ARHGEF12: variants seen among roughly 807,000 people sequenced by gnomAD.
ARHGEF12 encodes the protein KMT2A/ARHGEF12 fusion protein.
Under a neutral mutation model 211.2 loss-of-function variants are expected in ARHGEF12, and 66 were observed. The observed-to-expected ratio is 0.31, with a 90% CI of 0.26 to 0.38. The LOEUF is 0.38. Among genes scored for constraint, ARHGEF12 ranks in the 10% least tolerant of loss-of-function variants. The pLI is 1.00. For missense variants in ARHGEF12, 1,429 were observed against 1,869.5 expected (o/e 0.76, Z 4.34); for synonymous variants, 592 against 638.4 (o/e 0.93, Z 1.09).
chr11:120,346,781 T>A lies in ARHGEF12; in HGVS notation c.32+9506T>A, dbSNP rs938445023. ...GAACCTCCCTTGTTCCCTTTATTAC[T>A]CCAGCAGTTAATGTACGGACAATCT... On this transcript the variant is annotated intron_variant, in intron 1 of 40. Coordinates refer to ENST00000397843, the MANE Select transcript of ARHGEF12 (RefSeq NM_015313.3). Among the ~76,000 whole-genome samples the A allele has an allele frequency of 4.6e-5, 7 of 152,336 alleles. No homozygotes were observed. In the South Asian group the frequency reaches 1.0e-3, roughly 23 times the overall value.
At chr11:120,422,964 C>T (rs916440542) in intron 6 of ARHGEF12, among the ~76,000 whole-genome samples, 7 of 152,032 alleles carry the variant, frequency 4.6e-5, no homozygotes, top group Non-Finnish European at 7.4e-5. Flanking sequence ...CAAATTATTA[C>T]ATAAGAAAAC....
chr11:120,474,683 A>G (rs1360648626), intron 32 of ARHGEF12, 48 bp downstream of exon 32: 3 of 1,473,158 alleles, frequency 2.0e-6, no homozygotes, highest in Non-Finnish European at 2.8e-6. Flanking sequence ...GCAAAAGGGA[A>G]GGAATAGGAA....
At chr11:120,391,544 CT>C (rs1384444570) in intron 1 of ARHGEF12, among the ~76,000 whole-genome samples, 1 of 152,186 alleles carries the variant, frequency 6.6e-6, no homozygotes, top group Non-Finnish European at 1.5e-5. Flanking sequence ...TGTTCTGTCT[CT>C]GTGAAAAGCC....
At chr11:120,419,991 C>T (rs978839364) in intron 4 of ARHGEF12, among the ~76,000 whole-genome samples, 3 of 152,202 alleles carry the variant, frequency 2.0e-5, no homozygotes, top group Non-Finnish European at 2.9e-5. Context: ...TTCTATTCCT[C>T]TGGCTGGGGC....
At chr11:120,360,856 T>G (rs954748001) in intron 1 of ARHGEF12, among the ~76,000 whole-genome samples, 3 of 152,194 alleles carry the variant, frequency 2.0e-5, no homozygotes, top group African/African-American at 7.2e-5. Flanking sequence ...AATGCATCCT[T>G]TGATATAGAA....
chr11:120,478,528 C>G (rs1947131034), intron 37 of ARHGEF12, 139 bp downstream of exon 37: 1 of 812,446 alleles, frequency 1.2e-6, no homozygotes, highest in East Asian at 2.7e-5. Context: ...TACAGTGGCC[C>G]ATGCCACAGG....
Position 120,428,068 on chromosome 11 carries a change from G to T in ARHGEF12, c.407-1G>T. ...CCCTTTTTCCGTCTCCCCACCCCAA[G>T]CTGGTTCCTATGTAGCTCTCACTGT... On this transcript the variant is annotated splice_acceptor_variant, in intron 7 of 40. Transcript: ENST00000397843. LOFTEE classifies it high-confidence loss of function. 6.4e-7 allele frequency: 1 copy of T among 1,560,654 alleles called. No homozygotes were observed. Among genetic ancestry groups the T allele is most frequent in the Non-Finnish European group, 8.7e-7 (1 of 1,153,392 alleles).
At chr11:120,428,641 T>A (rs183377047) in intron 8 of ARHGEF12, among the ~76,000 whole-genome samples, 42 of 152,278 alleles carry the variant, frequency 2.8e-4, no homozygotes, top group African/African-American at 1.0e-3. Context: ...TGATTGAGAT[T>A]AAGTCAAGAG....
chr11:120,394,870 C>G (rs912315201), intron 1 of ARHGEF12, among the ~76,000 whole-genome samples: 1 of 151,590 alleles, frequency 6.6e-6, no homozygotes, highest in Non-Finnish European at 1.5e-5. Context: ...CCAGCCTGGC[C>G]AACATGGTGA....
At position 120,486,246 on chromosome 11, in the gene ARHGEF12, A is replaced by T. The variant is rs2136037895; in HGVS notation, c.*1169A>T. 4.3e-6 allele frequency: 1 copy of T among 233,352 alleles called. No individual in the cohort carries two copies. The highest frequency in any genetic ancestry group is 6.0e-5 in the East Asian group (1 of 16,546). 14.5% of individuals were successfully genotyped at this position (233,352 alleles called of 1,614,324 possible). A position where few individuals can be genotyped will look rare whatever the true frequency, so the allele number is the denominator to read the frequency against. ...TCTAATTTTTGCACTGATGGTGCCA[A>T]AGGGCCCTGAGTCAAAAGGATAGCC... On this transcript the variant is annotated 3_prime_UTR_variant, in exon 41 of 41. Transcript: ENST00000397843.
Position 120,488,318 on chromosome 11 carries a change from C to T in ARHGEF12, c.*3241C>T. The T allele has an allele frequency of 4.7e-6, 1 of 213,550 alleles. No individual in the cohort carries two copies. The highest frequency in any genetic ancestry group is 9.5e-6 in the Non-Finnish European group (1 of 105,768). 13.2% of individuals were successfully genotyped at this position (213,550 alleles called of 1,614,324 possible). On this transcript the variant is annotated 3_prime_UTR_variant, in exon 41 of 41. Transcript: ENST00000397843. ...TAGAGCTTTGGTCAGTATTTCCTTC[C>T]CTATATGTCACAGAGGGCACCACTG...
intron 1 of ARHGEF12, among the ~76,000 whole-genome samples, chr11:120,351,857 A>G (rs1012706289): frequency 7.2e-5 from 11 of 152,166 alleles, no homozygotes; most frequent in African/African-American, 1.7e-4. Context: ...CTTTCAACTA[A>G]GCTAAATACT....
intron 1 of ARHGEF12, among the ~76,000 whole-genome samples, chr11:120,375,384 GT>G (rs1943697020): frequency 6.6e-6 from 1 of 151,586 alleles, no homozygotes; most frequent in Admixed American, 6.6e-5. Context: ...TTCCTTTTAT[GT>G]TTTCTCTTTT....
chr11:120,392,953 A>C (rs1173452800), intron 1 of ARHGEF12, among the ~76,000 whole-genome samples: 2 of 152,180 alleles, frequency 1.3e-5, no homozygotes, highest in Non-Finnish European at 2.9e-5. Context: ...GGTTGGCTTG[A>C]CCTGAGTCAT....
intron 1 of ARHGEF12, among the ~76,000 whole-genome samples, chr11:120,355,228 G>A (rs1943098335): frequency 6.6e-6 from 1 of 152,116 alleles, no homozygotes; most frequent in African/African-American, 2.4e-5. Context: ...TTTTAAACGA[G>A]AAGGTTATTA....
Position 120,451,852 on chromosome 11 carries a change from T to C in ARHGEF12, c.2056+128T>C. 4.7e-6 allele frequency: 4 copies of C among 842,588 alleles called. No homozygotes were observed. In the South Asian group the frequency reaches 5.4e-5, roughly 11 times the overall value. 52.2% of individuals were successfully genotyped at this position (842,588 alleles called of 1,614,324 possible). On this transcript the variant is annotated intron_variant, in intron 22 of 40. Coordinates refer to ENST00000397843, the MANE Select transcript of ARHGEF12 (RefSeq NM_015313.3). ...TTAATTTAATTTTGACATTTTAATA[T>C]GCTACAACCAATAAGAAATCTATGC...
chr11:120,479,616 G>A (rs1045532661), intron 37 of ARHGEF12, among the ~76,000 whole-genome samples: 14 of 151,806 alleles, frequency 9.2e-5, no homozygotes, highest in Admixed American at 4.6e-4. Context: ...GTACCTTTAG[G>A]GTATTATTCT....
intron 8 of ARHGEF12, 45 bp from the exon 9 acceptor site, chr11:120,429,395 T>C: frequency 6.7e-7 from 1 of 1,497,304 alleles, no homozygotes; most frequent in Non-Finnish European, 9.2e-7. Flanking sequence ...AGCTTCATTT[T>C]GTCTATACTG....
intron 1 of ARHGEF12, among the ~76,000 whole-genome samples, chr11:120,388,215 A>T (rs769836276): frequency 4.6e-5 from 7 of 152,252 alleles, no homozygotes; most frequent in Non-Finnish European, 8.8e-5. Context: ...TTTGTAAGTG[A>T]ACTCACATAG....
Sources: gnomAD v4.1 joint callset for allele counts (sites outside exome capture counted in the v4.1 genomes callset) on GRCh38, gnomAD v4.1.1 for gene constraint, MANE v1.5 for transcripts, NCBI Gene and HGNC (gene_info 2026-07-23, HGNC 2026-07-21) for gene names.